The following FKBP15 variants were observed in gnomAD, a reference collection of about 807,000 sequenced individuals.
The protein encoded by FKBP15 is FKBP prolyl isomerase family member 15, also known as FK506-binding protein 15.
Under a neutral mutation model 158.1 loss-of-function variants are expected in FKBP15, and 106 were observed. That is an observed-to-expected ratio of 0.67 (90% CI 0.57 to 0.79). The LOEUF (loss-of-function observed/expected upper bound fraction) is 0.79, where lower values mean the gene tolerates loss of function less well. Among genes scored for constraint, FKBP15 ranks in the 30% least tolerant of loss-of-function variants. The probability of loss-of-function intolerance (pLI) is 0.00; values close to 1 mark genes in which losing one functional copy is unlikely to be tolerated. For missense variants in FKBP15, 1,287 were observed against 1,479.1 expected, an observed-to-expected ratio of 0.87 and a Z score of 2.13; for synonymous variants, 547 against 548.6, an observed-to-expected ratio of 1.00 and a Z score of 0.04.
At chr9:113,207,802 C>A (rs1275000495) in intron 2 of FKBP15, among the ~76,000 whole-genome samples, 1 of 152,168 alleles carries the variant, frequency 6.6e-6, no homozygotes, top group Non-Finnish European at 1.5e-5. Context: ...GTGCCTCACA[C>A]AATTATACCA....
chr9:113,194,087 G>A lies in FKBP15; in HGVS notation c.947C>T (p.Ala316Val). Residue 316 changes from alanine to valine, a missense_variant, in exon 10 of 28, where the codon GCT becomes GTT. Transcript: ENST00000238256. ...DSAAPSPIPG[A>V]DNLSADPVVS... ...AACAGGATCAGCAGAGAGGTTGTCAGCACCAGGGATGGGAGACGGAGCTGC... is the reference window on the plus strand; with the variant it reads ...AACAGGATCAGCAGAGAGGTTGTCAACACCAGGGATGGGAGACGGAGCTGC... 6.2e-7 allele frequency: 1 copy of A among 1,613,636 alleles called. No individual in the cohort carries two copies. Among genetic ancestry groups the A allele is most frequent in the East Asian group, 2.2e-5 (1 of 44,884 alleles).
chr9:113,161,296 G>A lies in FKBP15; in HGVS notation c.*4782C>T. On this transcript the variant is annotated 3_prime_UTR_variant, in exon 28 of 28. Transcript: ENST00000238256. ...GTGGCTTCTTCACCCTCAGCCCCTG[G>A]ATTTTTCAGGTGGCTTCTCTTCCTG... 1 of 557,064 alleles carries A rather than the reference G, an allele frequency of 1.8e-6. No homozygotes were observed. Among genetic ancestry groups the A allele is most frequent in the Non-Finnish European group, 3.1e-6 (1 of 317,942 alleles). 34.5% of individuals were successfully genotyped at this position (557,064 alleles called of 1,614,324 possible). A position where few individuals can be genotyped will look rare whatever the true frequency, so the allele number is the denominator to read the frequency against.
chr9:113,210,209 CA>C (rs1830972711), intron 2 of FKBP15, among the ~76,000 whole-genome samples: 1 of 152,302 alleles, frequency 6.6e-6, no homozygotes, highest in East Asian at 1.9e-4. Context: ...GAGAAGCACT[CA>C]CCACTGGGGG....
chr9:113,199,010 A>G, intron 7 of FKBP15, 87 bp from the exon 8 acceptor site: 1 of 856,508 alleles, frequency 1.2e-6, no homozygotes, highest in Non-Finnish European at 1.9e-6. Context: ...ATACCAGCAC[A>G]CTACTTCTGG....
intron 4 of FKBP15, among the ~76,000 whole-genome samples, chr9:113,204,973 T>C (rs1047987152): frequency 3.3e-5 from 5 of 152,324 alleles, no homozygotes; most frequent in South Asian, 2.1e-4. Context: ...GTTTATTTGT[T>C]CCCTTGATTA....
At position 113,165,725 on chromosome 9, in the gene FKBP15, G is replaced by A. The variant is rs558720498; in HGVS notation, c.*353C>T. On this transcript the variant is annotated 3_prime_UTR_variant, in exon 28 of 28. Transcript: ENST00000238256. ...GTTGCCGGGGCACAGTTGAGCACTG[G>A]ATTCAGGTAGAGGAGGGCTCCCAGG... 15 of 197,310 alleles carry A rather than the reference G, an allele frequency of 7.6e-5. No homozygotes were observed. The highest frequency in any genetic ancestry group is 1.3e-4 in the Non-Finnish European group (12 of 95,208). 12.2% of individuals were successfully genotyped at this position (197,310 alleles called of 1,614,324 possible).
rs192054430 is a variant in FKBP15, at chr9:113,182,117, T to G, written c.1914+649A>C. On this transcript the variant is annotated intron_variant, in intron 19 of 27. Transcript: ENST00000238256. ...AGTGTGTTCAATCTAACTTTTCATG[T>G]TTTCAAGGAAAACACAAATACAAAA... is the stretch of plus-strand genomic sequence containing the variant. Among the ~76,000 whole-genome samples the G allele has an allele frequency of 1.6e-4, 25 of 152,276 alleles. 2 individuals carry two copies. Among genetic ancestry groups the G allele is most frequent in the Admixed American group, 1.3e-3 (20 of 15,302 alleles).
At chr9:113,171,798 C>CT (rs200502042) in intron 23 of FKBP15, 92 bp from the exon 24 acceptor site, 103,797 of 821,930 alleles carry the variant, frequency 0.13, 932 homozygotes, top group East Asian at 0.22. Flanking sequence ...CATCAAGTCT[C>CT]TTTTTTTTTT....
rs1322297721 is a variant in FKBP15, at chr9:113,186,189, C to T, written c.1498+60G>A. The T allele has an allele frequency of 3.3e-6, 4 of 1,202,760 alleles. No homozygotes were observed. The Admixed American group carries it at 6.0e-5, about 18-fold the overall frequency. The allele number at this position is 1,202,760 out of a possible 1,614,324, so 74.5% of individuals were successfully genotyped here. On this transcript the variant is annotated intron_variant, in intron 15 of 27. Transcript: ENST00000238256. ...TGTTGGTGTGAAAATGAAGGAGGAG[C>T]AAGAAGAGGGAAAGCACAGCAAGAG...
chr9:113,186,478 G>T, intron 14 of FKBP15, 115 bp from the exon 15 acceptor site: 1 of 740,334 alleles, frequency 1.4e-6, no homozygotes, highest in Non-Finnish European at 2.3e-6. Context: ...CAAACTTACT[G>T]AAGCTAGAGA....
intron 2 of FKBP15, 52 bp from the exon 3 acceptor site, chr9:113,207,348 A>ATTTTTTTTTTTTTTTTTTTTTTTG (rs536637507): frequency 7.2e-7 from 1 of 1,392,924 alleles, no homozygotes; most frequent in Non-Finnish European, 1.0e-6. Flanking sequence ...CTTTAAACTA[A>ATTTTTTTTTTTTTTTTTTTTTTTG]TTTTTTTTAA....
chr9:113,194,128 A>G lies in FKBP15; in HGVS notation c.906T>C (p.Val302=). 6.2e-7 allele frequency: 1 copy of G among 1,613,146 alleles called. No individual in the cohort carries two copies. The highest frequency in any genetic ancestry group is 8.5e-7 in the Non-Finnish European group (1 of 1,179,398). ...ACGGAGCTGCAGAATCGCGGGAACTAACACTGTGACCATCAGAGCCAGAAT... is the reference window on the plus strand; with the variant it reads ...ACGGAGCTGCAGAATCGCGGGAACTGACACTGTGACCATCAGAGCCAGAAT... The part of the protein sequence containing the change: ...ARDSGSDGHS[V]SSRDSAAPSP... Residue 302 remains valine (V), a synonymous_variant, in exon 10 of 28, where the codon GTT becomes GTC. Transcript: ENST00000238256.
chr9:113,194,106 G>T lies in FKBP15; in HGVS notation c.928C>A (p.Pro310Thr). Residue 310 changes from proline (P) to threonine (T), a missense_variant, in exon 10 of 28, where the codon CCG becomes ACG. Pro to Thr is a conservative substitution (Grantham distance 38). Coordinates refer to ENST00000238256, the MANE Select transcript of FKBP15 (RefSeq NM_015258.2). ...HSVSSRDSAA[P>T]SPIPGADNLS... ...TTGTCAGCACCAGGGATGGGAGACG[G>T]AGCTGCAGAATCGCGGGAACTAACA... 1 of 1,613,586 alleles carries T rather than the reference G, an allele frequency of 6.2e-7. No homozygotes were observed. The highest frequency in any genetic ancestry group is 8.5e-7 in the Non-Finnish European group (1 of 1,179,638).
intron 22 of FKBP15, among the ~76,000 whole-genome samples, chr9:113,174,124 G>T (rs1830261076): frequency 1.3e-5 from 2 of 152,150 alleles, no homozygotes; most frequent in Admixed American, 6.5e-5. Flanking sequence ...GTGCCTGAAG[G>T]ATGGTGTCCA....
rs376981807 is a variant in FKBP15, at chr9:113,169,317, G to A, written c.3392C>T (p.Ser1131Phe). ...PQLKKDDVTS[S>F]TGPHKELSST... ...TGACAGCTCCTTGTGGGGACCGGTG[G>A]AGCTAGTGACATCATCTTTCTTGAG... is the stretch of plus-strand genomic sequence containing the variant. The change falls in exon 26 of 28, where the codon TCC becomes TTC. Residue 1131 changes from serine to phenylalanine, a missense_variant. Coordinates refer to ENST00000238256, the MANE Select transcript of FKBP15 (RefSeq NM_015258.2). 1.2e-6 allele frequency: 2 copies of A among 1,614,078 alleles called. No homozygotes were observed. The highest frequency in any genetic ancestry group is 1.7e-5 in the Admixed American group (1 of 60,032).
chr9:113,187,675 A>T (rs1471691791), intron 14 of FKBP15, 118 bp downstream of exon 14: 3 of 816,464 alleles, frequency 3.7e-6, no homozygotes. Context: ...AGGGAAAAAA[A>T]TTACAAACTC....
chr9:113,173,454 T>A lies in FKBP15; in HGVS notation c.2531A>T (p.Lys844Met), dbSNP rs766356416. ...YQQKLVQLQE[K>M]CLALQAQITA... ...GTCTGACTCAAGAAAAATATGTACC[T>A]TTTCCTGAAGTTGTACCAGCTTCTG... Residue 844 changes from lysine (K) to methionine (M), a missense_variant and splice_region_variant, in exon 23 of 28, where the codon AAG (lysine) becomes ATG (methionine). Lys to Met is a moderately conservative substitution (Grantham distance 95, BLOSUM62 -1). Coordinates refer to ENST00000238256, the MANE Select transcript of FKBP15 (RefSeq NM_015258.2). The A allele has an allele frequency of 6.2e-6, 10 of 1,612,764 alleles. No homozygotes were observed. The South Asian group carries it at 9.9e-5, about 16-fold the overall frequency.
chr9:113,190,140 A>G (rs995345525), intron 12 of FKBP15, among the ~76,000 whole-genome samples: 4 of 152,230 alleles, frequency 2.6e-5, no homozygotes, highest in African/African-American at 4.8e-5. Context: ...CATTCGCTCA[A>G]TAAATATGAA....
intron 1 of FKBP15, among the ~76,000 whole-genome samples, chr9:113,217,201 GTTTTT>G (rs979783485): frequency 1.2e-4 from 11 of 89,396 alleles, no homozygotes; most frequent in Non-Finnish European, 2.3e-4. Flanking sequence ...ACCACGCCCA[GTTTTT>G]TTTTTTTTTT....
Sources: gnomAD v4.1 joint callset for allele counts (sites outside exome capture counted in the v4.1 genomes callset) on GRCh38, gnomAD v4.1.1 for gene constraint, MANE v1.5 for transcripts, NCBI Gene and HGNC (gene_info 2026-07-23, HGNC 2026-07-21) for gene names.